Variants in B4GAT1 observed in about 807,000 individuals in gnomAD.
B4GAT1 encodes the protein beta-1,4-glucuronyltransferase 1.
Under a neutral mutation model 35.0 loss-of-function variants are expected in B4GAT1, and 18 were observed. The observed-to-expected ratio is 0.51, with a 90% CI of 0.36 to 0.76. B4GAT1 has a LOEUF of 0.76. B4GAT1 is among the 30% of genes least tolerant of loss of function. The pLI is 0.01. For missense variants in B4GAT1, 458 were observed against 555.0 expected (o/e 0.83, Z 1.76); for synonymous variants, 217 against 251.6 (o/e 0.86, Z 1.30).
Position 66,347,423 on chromosome 11 carries a change from C to G in B4GAT1, c.123G>C (p.Glu41Asp), listed in dbSNP as rs755264456. Residue 41 changes from glutamate (E) to aspartate (D), a missense_variant, in exon 1 of 2, where the codon GAG becomes GAC. Transcript: ENST00000311181. The surrounding 1 kb of genome is among the most constrained non-coding windows in gnomAD (Gnocchi z 6.3). ...GAAAGAACTCAAAATATTGGTCTTG[C>G]TCCTCCTGCCCGTGCAGTCCGGACA... The part of the protein sequence containing the change: ...SLLSGLHGQE[E>D]QDQYFEFFPP... 1 of 1,576,780 alleles carries G rather than the reference C, an allele frequency of 6.3e-7. No homozygotes were observed. The highest frequency in any genetic ancestry group is 8.6e-7 in the Non-Finnish European group (1 of 1,161,860).
rs1353871985 is a variant in B4GAT1, at chr11:66,347,540, C to A, written c.6G>T (p.Gln2His). MQMSYAIRCAFY... is the reference protein window; with the variant it reads MHMSYAIRCAFY... ...AGGCGCACCGGATGGCGTAGGACAT[C>A]TGCATGGCTCTCGGGGCTCGGGGCG... The change falls in exon 1 of 2, where the codon CAG becomes CAT. Residue 2 changes from glutamine (Q) to histidine (H), a missense_variant. Gln to His is a conservative substitution (Grantham distance 24, BLOSUM62 0). Transcript: ENST00000311181. The surrounding 1 kb of genome is among the most constrained non-coding windows in gnomAD (Gnocchi z 6.3). 3 of 1,389,700 alleles carry A rather than the reference C, an allele frequency of 2.2e-6. No individual in the cohort carries two copies. In the African/African-American group the frequency reaches 4.4e-5, roughly 21 times the overall value. The allele number at this position is 1,389,700 out of a possible 1,614,324, so 86.1% of individuals were successfully genotyped here.
Position 66,346,826 on chromosome 11 carries a change from C to T in B4GAT1, c.720G>A (p.Leu240=), listed in dbSNP as rs199697038. ...MVPSEGLWRG[L]REMLDQSNQW... ...GGTTGCTCTGATCCAGCATTTCCCG[C>T]AGGCCTCTCCACAGCCCCTCGCTGG... Residue 240 remains leucine (L), a synonymous_variant, in exon 1 of 2, where the codon CTG becomes CTA. Transcript: ENST00000311181. The surrounding 1 kb of genome is among the most constrained non-coding windows in gnomAD (Gnocchi z 6.1). 6.2e-7 allele frequency: 1 copy of T among 1,613,594 alleles called. No homozygotes were observed. The highest frequency in any genetic ancestry group is 1.3e-5 in the African/African-American group (1 of 74,846).
chr11:66,346,930 A>G lies in B4GAT1; in HGVS notation c.616T>C (p.Ser206Pro). 1 of 1,613,544 alleles carries G rather than the reference A, an allele frequency of 6.2e-7. No individual in the cohort carries two copies. The highest frequency in any genetic ancestry group is 8.5e-7 in the Non-Finnish European group (1 of 1,179,992). Residue 206 changes from serine (S) to proline (P), a missense_variant, in exon 1 of 2, where the codon TCC (serine) becomes CCC (proline). Coordinates refer to ENST00000311181, the MANE Select transcript of B4GAT1 (RefSeq NM_006876.3). This position sits in a 1 kb window ranked among gnomAD's most constrained non-coding sequence, Gnocchi z 6.1. ...TTCCTCAGCAGGTTATTGGGGTAGG[A>G]GACATTGGTGCCCAGCGCATAATTA... ...GINYALGTNV[S>P]YPNNLLRNLA...
chr11:66,346,231 G>C lies in B4GAT1; in HGVS notation c.1066C>G (p.Leu356Val). ...TCAAAATCAAACCCCGCCACATGCA[G>C]CTCGCAGGCCTGCAGGAGGAAAGAC... is the stretch of plus-strand genomic sequence containing the variant. ...GFNRISQACE[L>V]HVAGFDFEVL... The change falls in exon 2 of 2, where the codon CTG becomes GTG. Residue 356 changes from leucine to valine, a missense_variant. By Grantham distance (32) the Leu-to-Val change is conservative. Coordinates refer to ENST00000311181, the MANE Select transcript of B4GAT1 (RefSeq NM_006876.3). This position sits in a 1 kb window ranked among gnomAD's most constrained non-coding sequence, Gnocchi z 6.1. 1 of 1,612,786 alleles carries C rather than the reference G, an allele frequency of 6.2e-7. No homozygotes were observed. The highest frequency in any genetic ancestry group is 2.2e-5 in the East Asian group (1 of 44,860).
At position 66,347,420 on chromosome 11, in the gene B4GAT1, T is replaced by C; in HGVS notation, c.126A>G (p.Gln42=). The C allele has an allele frequency of 6.3e-7, 1 of 1,578,564 alleles. No homozygotes were observed. The highest frequency in any genetic ancestry group is 8.6e-7 in the Non-Finnish European group (1 of 1,162,706). ...GGGGAAAGAACTCAAAATATTGGTC[T>C]TGCTCCTCCTGCCCGTGCAGTCCGG... ...LLSGLHGQEE[Q]DQYFEFFPPS... is the part of the protein sequence containing the mutation. The change falls in exon 1 of 2, where the codon CAA becomes CAG. Residue 42 remains glutamine, a synonymous_variant. Transcript: ENST00000311181. The surrounding 1 kb of genome is among the most constrained non-coding windows in gnomAD (Gnocchi z 6.3).
chr11:66,347,540 C>T lies in B4GAT1; in HGVS notation c.6G>A (p.Gln2=). The change falls in exon 1 of 2, where the codon CAG becomes CAA. Residue 2 remains glutamine (Q), a synonymous_variant. Coordinates refer to ENST00000311181, the MANE Select transcript of B4GAT1 (RefSeq NM_006876.3). This position sits in a 1 kb window ranked among gnomAD's most constrained non-coding sequence, Gnocchi z 6.3. M[Q]MSYAIRCAFY... ...AGGCGCACCGGATGGCGTAGGACAT[C>T]TGCATGGCTCTCGGGGCTCGGGGCG... 2 of 1,389,818 alleles carry T rather than the reference C, an allele frequency of 1.4e-6. No homozygotes were observed. Among genetic ancestry groups the T allele is most frequent in the Non-Finnish European group, 1.9e-6 (2 of 1,067,066 alleles). 86.1% of individuals were successfully genotyped at this position (1,389,818 alleles called of 1,614,324 possible).
chr11:66,347,519 G>C lies in B4GAT1; in HGVS notation c.27C>G (p.Cys9Trp), dbSNP rs756689098. 6.7e-6 allele frequency: 10 copies of C among 1,500,956 alleles called. No homozygotes were observed. Among genetic ancestry groups the C allele is most frequent in the African/African-American group, 2.8e-5 (2 of 71,052 alleles). 93.0% of individuals were successfully genotyped at this position (1,500,956 alleles called of 1,614,324 possible). ...CGGCCAGCAGCAGCTGGTAGAAGGCGCACCGGATGGCGTAGGACATCTGCA... is the reference window on the plus strand; with the variant it reads ...CGGCCAGCAGCAGCTGGTAGAAGGCCCACCGGATGGCGTAGGACATCTGCA... The part of the protein sequence containing the change: MQMSYAIR[C>W]AFYQLLLAAL... Residue 9 changes from cysteine to tryptophan, a missense_variant, in exon 1 of 2, where the codon TGC becomes TGG. Physicochemically the swap from Cys to Trp is radical, Grantham distance 215. Coordinates refer to ENST00000311181, the MANE Select transcript of B4GAT1 (RefSeq NM_006876.3). The surrounding 1 kb of genome is among the most constrained non-coding windows in gnomAD (Gnocchi z 6.3).
rs769918583 is a variant in B4GAT1 at position 66,347,575 on chromosome 11, G to C, written c.-30C>G. On this transcript the variant is annotated 5_prime_UTR_variant, in exon 1 of 2. Transcript: ENST00000311181. The surrounding 1 kb of genome is among the most constrained non-coding windows in gnomAD (Gnocchi z 6.3). Reference sequence around the variant, plus strand: ...CTCGGGGCTCGGGGCGCGCAGCAACGACCACCCGGCCACAGACTACGCCAG... The same window carrying C: ...CTCGGGGCTCGGGGCGCGCAGCAACCACCACCCGGCCACAGACTACGCCAG... The C allele has an allele frequency of 7.9e-7, 1 of 1,268,844 alleles. No homozygotes were observed. The highest frequency in any genetic ancestry group is 3.0e-5 in the East Asian group (1 of 33,144). The allele number at this position is 1,268,844 out of a possible 1,614,324, so 78.6% of individuals were successfully genotyped here.
Position 66,346,045 on chromosome 11 carries a change from G to A in B4GAT1, c.*4C>T, listed in dbSNP as rs150186478. 61 of 1,604,436 alleles carry A rather than the reference G, an allele frequency of 3.8e-5. No homozygotes were observed. The African/African-American group carries it at 7.3e-4, about 19-fold the overall frequency. ...TGACTTCTCAGATTAGGGGAGGGAA[G>A]GGCTCAGCAGCGTCGGGGAGAGTTG... is the stretch of plus-strand genomic sequence containing the variant. On this transcript the variant is annotated 3_prime_UTR_variant, in exon 2 of 2. Coordinates refer to ENST00000311181, the MANE Select transcript of B4GAT1 (RefSeq NM_006876.3). The surrounding 1 kb of genome is among the most constrained non-coding windows in gnomAD (Gnocchi z 6.1).
In B4GAT1 at chr11:66,347,256, A is replaced by T; in HGVS notation, c.290T>A (p.Leu97Gln). Residue 97 changes from leucine to glutamine, a missense_variant, in exon 1 of 2, where the codon CTG becomes CAG. Leu to Gln is a moderately radical substitution (Grantham distance 113). Transcript: ENST00000311181. This position sits in a 1 kb window ranked among gnomAD's most constrained non-coding sequence, Gnocchi z 6.3. ...KTTMDPNDVI[L>Q]ATHASVDNLL... ...GTTGTCCACGCTGGCGTGCGTGGCC[A>T]GGATCACATCGTTGGGGTCCATGGT... 1.3e-6 allele frequency: 2 copies of T among 1,570,838 alleles called. No homozygotes were observed. Among genetic ancestry groups the T allele is most frequent in the Non-Finnish European group, 1.7e-6 (2 of 1,158,394 alleles).
chr11:66,346,828 G>A lies in B4GAT1; in HGVS notation c.718C>T (p.Leu240=). The A allele has an allele frequency of 6.2e-7, 1 of 1,613,668 alleles. No individual in the cohort carries two copies. The highest frequency in any genetic ancestry group is 1.3e-5 in the African/African-American group (1 of 74,960). ...MVPSEGLWRG[L]REMLDQSNQW... The stretch of plus-strand genomic sequence containing the variant: ...TTGCTCTGATCCAGCATTTCCCGCA[G>A]GCCTCTCCACAGCCCCTCGCTGGGC... Residue 240 remains leucine, a synonymous_variant, in exon 1 of 2, where the codon CTG becomes TTG. Transcript: ENST00000311181. This position sits in a 1 kb window ranked among gnomAD's most constrained non-coding sequence, Gnocchi z 6.1.
Position 66,347,486 on chromosome 11 carries a change from C to A in B4GAT1, c.60G>T (p.Met20Ile). 2 of 1,518,318 alleles carry A rather than the reference C, an allele frequency of 1.3e-6. No individual in the cohort carries two copies. The highest frequency in any genetic ancestry group is 1.3e-5 in the South Asian group (1 of 75,588). The allele number at this position is 1,518,318 out of a possible 1,614,324, so 94.1% of individuals were successfully genotyped here. A position where few individuals can be genotyped will look rare whatever the true frequency, so the allele number is the denominator to read the frequency against. Residue 20 changes from methionine (M) to isoleucine (I), a missense_variant, in exon 1 of 2, where the codon ATG becomes ATT. Coordinates refer to ENST00000311181, the MANE Select transcript of B4GAT1 (RefSeq NM_006876.3). This position sits in a 1 kb window ranked among gnomAD's most constrained non-coding sequence, Gnocchi z 6.3. ...AGAGCAGCTGCAGCATCGCCACCAG[C>A]ATGAGCGCGGCCAGCAGCAGCTGGT... ...AFYQLLLAAL[M>I]LVAMLQLLYL...
Position 66,347,204 on chromosome 11 carries a change from C to T in B4GAT1, c.342G>A (p.Glu114=), listed in dbSNP as rs1204150890. The change falls in exon 1 of 2, where the codon GAG becomes GAA. Residue 114 remains glutamate, a synonymous_variant. Transcript: ENST00000311181. This position sits in a 1 kb window ranked among gnomAD's most constrained non-coding sequence, Gnocchi z 6.3. ...ACACGGACAGCGGGCCCTCCCAGCG[C>T]TCCAGCAGACCCGACAGGTGCAGCA... ...DNLLHLSGLL[E]RWEGPLSVSV... 2.9e-5 allele frequency: 46 copies of T among 1,577,446 alleles called. No homozygotes were observed. Among genetic ancestry groups the T allele is most frequent in the Non-Finnish European group, 4.0e-5 (46 of 1,162,406 alleles).
In B4GAT1 at chr11:66,346,885, TG is replaced by T; in HGVS notation, c.660del (p.Asn221ThrfsTer5). On this transcript the variant is annotated frameshift_variant, in exon 1 of 2. Coordinates refer to ENST00000311181, the MANE Select transcript of B4GAT1 (RefSeq NM_006876.3). LOFTEE classifies it high-confidence loss of function. The surrounding 1 kb of genome is among the most constrained non-coding windows in gnomAD (Gnocchi z 6.1). ...TCCACATCGATCACCAGGGCATAGT[TG>T]GCCCCCTCACGAGCCAGATTCCTCA... ...NLLRNLAREG[A>X]NYALVIDVDM... 6.2e-7 allele frequency: 1 copy of T among 1,613,914 alleles called. No homozygotes were observed. The highest frequency in any genetic ancestry group is 8.5e-7 in the Non-Finnish European group (1 of 1,179,998).
In B4GAT1 at chr11:66,347,135, C is replaced by T. The variant is rs1855233689; in HGVS notation, c.411G>A (p.Val137=). 6.3e-7 allele frequency: 1 copy of T among 1,593,740 alleles called. No individual in the cohort carries two copies. Among genetic ancestry groups the T allele is most frequent in the South Asian group, 1.1e-5 (1 of 88,592 alleles). The change falls in exon 1 of 2, where the codon GTG becomes GTA. Residue 137 remains valine (V), a synonymous_variant. Coordinates refer to ENST00000311181, the MANE Select transcript of B4GAT1 (RefSeq NM_006876.3). This position sits in a 1 kb window ranked among gnomAD's most constrained non-coding sequence, Gnocchi z 6.3. Reference sequence around the variant, plus strand: ...AGTGGCTGCTCAGCGCGTAGGCCAGCACCGTGGCCAGCTGCGCCTCCTCCT... The same window carrying T: ...AGTGGCTGCTCAGCGCGTAGGCCAGTACCGTGGCCAGCTGCGCCTCCTCCT... ...ATKEEAQLAT[V]LAYALSSHCP... is the part of the protein sequence containing the mutation.
Position 66,345,394 on chromosome 11 carries a change from T to C in B4GAT1, c.*655A>G, listed in dbSNP as rs990864306. ...AGCTGTGGGTGTGAACACGCATTTA[T>C]TTACACATTGTCATCGGTAGGCACA... On this transcript the variant is annotated 3_prime_UTR_variant, in exon 2 of 2. Transcript: ENST00000311181. The C allele has an allele frequency of 1.3e-5, 2 of 152,224 alleles. No individual in the cohort carries two copies. Among genetic ancestry groups the C allele is most frequent in the Non-Finnish European group, 2.9e-5 (2 of 68,048 alleles). 9.4% of individuals were successfully genotyped at this position (152,224 alleles called of 1,614,324 possible).
In B4GAT1 at chr11:66,347,550, C is replaced by T. The variant is rs1483262834; in HGVS notation, c.-5G>A. The T allele has an allele frequency of 1.5e-6, 2 of 1,313,126 alleles. No individual in the cohort carries two copies. Among genetic ancestry groups the T allele is most frequent in the African/African-American group, 1.5e-5 (1 of 66,398 alleles). 81.3% of individuals were successfully genotyped at this position (1,313,126 alleles called of 1,614,324 possible). On this transcript the variant is annotated 5_prime_UTR_variant, in exon 1 of 2. Coordinates refer to ENST00000311181, the MANE Select transcript of B4GAT1 (RefSeq NM_006876.3). The surrounding 1 kb of genome is among the most constrained non-coding windows in gnomAD (Gnocchi z 6.3). Reference sequence around the variant, plus strand: ...GATGGCGTAGGACATCTGCATGGCTCTCGGGGCTCGGGGCGCGCAGCAACG... The same window carrying T: ...GATGGCGTAGGACATCTGCATGGCTTTCGGGGCTCGGGGCGCGCAGCAACG...
chr11:66,346,912 G>T lies in B4GAT1; in HGVS notation c.634C>A (p.Leu212Met). Residue 212 changes from leucine (L) to methionine (M), a missense_variant, in exon 1 of 2, where the codon CTG becomes ATG. Transcript: ENST00000311181. The surrounding 1 kb of genome is among the most constrained non-coding windows in gnomAD (Gnocchi z 6.1). Reference sequence around the variant, plus strand: ...GCCCCCTCACGAGCCAGATTCCTCAGCAGGTTATTGGGGTAGGAGACATTG... The same window carrying T: ...GCCCCCTCACGAGCCAGATTCCTCATCAGGTTATTGGGGTAGGAGACATTG... ...GTNVSYPNNL[L>M]RNLAREGANY... The T allele has an allele frequency of 3.1e-6, 5 of 1,613,906 alleles. No individual in the cohort carries two copies. The highest frequency in any genetic ancestry group is 4.2e-6 in the Non-Finnish European group (5 of 1,180,038).
rs776732983 is a variant in B4GAT1 at position 66,346,886 on chromosome 11, G to A, written c.660C>T (p.Ala220=). Residue 220 remains alanine, a synonymous_variant, in exon 1 of 2, where the codon GCC becomes GCT. Transcript: ENST00000311181. This position sits in a 1 kb window ranked among gnomAD's most constrained non-coding sequence, Gnocchi z 6.1. ...CCACATCGATCACCAGGGCATAGTT[G>A]GCCCCCTCACGAGCCAGATTCCTCA... ...NLLRNLAREG[A]NYALVIDVDM... 6.2e-7 allele frequency: 1 copy of A among 1,613,928 alleles called. No individual in the cohort carries two copies. The highest frequency in any genetic ancestry group is 1.1e-5 in the South Asian group (1 of 91,086).
Sources: gnomAD v4.1 joint callset for allele counts on GRCh38, gnomAD v4.1.1 for gene constraint, Gnocchi (gnomAD v3.1) non-coding constraint, MANE v1.5 for transcripts, NCBI Gene and HGNC (gene_info 2026-07-23, HGNC 2026-07-21) for gene names.